The following NUMA1 variants were observed in gnomAD, a reference collection of about 807,000 sequenced individuals.
The protein encoded by NUMA1 is nuclear mitotic apparatus protein 1.
NUMA1 carries 62 observed loss-of-function variants against 237.1 expected under a neutral mutation model. The ratio of observed to expected loss-of-function variants is 0.26; its 90% CI spans 0.21 to 0.32. The LOEUF (loss-of-function observed/expected upper bound fraction) is 0.32. Ranked by LOEUF, NUMA1 falls within the 10% of genes least tolerant of loss-of-function variation. The pLI is 1.00. For missense variants in NUMA1, 2,533 were observed against 2,666.5 expected (o/e 0.95, Z 1.10); for synonymous variants, 1,028 against 1,066.1 (o/e 0.96, Z 0.70).
At chr11:72,055,867 G>A (rs1242566565) in intron 2 of NUMA1, among the ~76,000 whole-genome samples, 1 of 151,246 alleles carries the variant, frequency 6.6e-6, no homozygotes, top group Admixed American at 6.6e-5. Context: ...TGTAATCTTA[G>A]CACTTTGAGA....
chr11:72,063,239 C>T (rs3133230), intron 2 of NUMA1, among the ~76,000 whole-genome samples: 134,680 of 151,990 alleles, frequency 0.89, 59,950 homozygotes, highest in Non-Finnish European at 0.95. Flanking sequence ...AAAAATTAGC[C>T]AGGCATGGTG....
Position 72,003,547 on chromosome 11 carries a change from GAC to G in NUMA1, c.6337-11_6337-10del, listed in dbSNP as rs758011970. 4 of 1,614,028 alleles carry G rather than the reference GAC, an allele frequency of 2.5e-6. No individual in the cohort carries two copies. The highest frequency in any genetic ancestry group is 2.2e-5 in the East Asian group (1 of 44,902). On this transcript the variant is annotated splice_polypyrimidine_tract_variant and intron_variant, in intron 26 of 26. Coordinates refer to ENST00000393695, the MANE Select transcript of NUMA1 (RefSeq NM_006185.4). The stretch of plus-strand genomic sequence containing the variant: ...GCCCTTTAGTGCTTTGCCTGAAAGA[GAC>G]ACAGTCACATGGCCAGATGAGAACT...
chr11:72,067,306 C>G (rs1778318615), intron 2 of NUMA1: 1 of 152,196 alleles, frequency 6.6e-6, no homozygotes, highest in African/African-American at 2.4e-5. Context: ...AAGGCTTTTT[C>G]TCTAAATGAA....
At chr11:72,052,023 C>A (rs760058388) in intron 2 of NUMA1, among the ~76,000 whole-genome samples, 2 of 152,050 alleles carry the variant, frequency 1.3e-5, no homozygotes, top group Non-Finnish European at 2.9e-5. Context: ...AACAGTGAGG[C>A]CAGAGGCAGA....
intron 1 of NUMA1, among the ~76,000 whole-genome samples, chr11:72,074,736 C>T (rs1943629174): frequency 6.6e-6 from 1 of 152,070 alleles, no homozygotes; most frequent in Non-Finnish European, 1.5e-5. Flanking sequence ...AAGACTCTGT[C>T]TCAAAATAAC....
In NUMA1 at chr11:72,013,203, C is replaced by T; in HGVS notation, c.4300G>A (p.Ala1434Thr). Reference sequence around the variant, plus strand: ...TTCTTCAGCATGCTCAGCTGCTCTGCATAGCTGGCCTTCTCTGCCCGCAGC... The same window carrying T: ...TTCTTCAGCATGCTCAGCTGCTCTGTATAGCTGGCCTTCTCTGCCCGCAGC... ...QQLRAEKASY[A>T]EQLSMLKKAH... Residue 1434 changes from alanine to threonine, a missense_variant, in exon 15 of 27, where the codon GCA (alanine) becomes ACA (threonine). Ala to Thr is a moderately conservative substitution (Grantham distance 58). This residue lies in a region of NUMA1 where 324 missense variants were observed against 407.6 expected (regional missense o/e 0.79). Coordinates refer to ENST00000393695, the MANE Select transcript of NUMA1 (RefSeq NM_006185.4). The surrounding 1 kb of genome is among the most constrained non-coding windows in gnomAD (Gnocchi z 6.8). 1.9e-6 allele frequency: 3 copies of T among 1,611,356 alleles called. No homozygotes were observed. The highest frequency in any genetic ancestry group is 2.5e-6 in the Non-Finnish European group (3 of 1,180,016).
chr11:72,078,261 A>C (rs1194413662), intron 1 of NUMA1, among the ~76,000 whole-genome samples: 1 of 152,260 alleles, frequency 6.6e-6, no homozygotes, highest in African/African-American at 2.4e-5. Flanking sequence ...ACTCATTTTG[A>C]GTCTGGACAA....
chr11:72,057,807 C>T (rs1270071508), intron 2 of NUMA1, among the ~76,000 whole-genome samples: 3 of 147,234 alleles, frequency 2.0e-5, no homozygotes, highest in Admixed American at 6.8e-5. Flanking sequence ...CGGTGGCTCA[C>T]GCCTGTAATC....
intron 2 of NUMA1, among the ~76,000 whole-genome samples, chr11:72,052,856 G>A (rs1183797624): frequency 6.6e-6 from 1 of 152,142 alleles, no homozygotes; most frequent in East Asian, 1.9e-4. Flanking sequence ...AGACAATCAA[G>A]GTTTCTAAAG....
At chr11:72,035,354 G>C (rs1031994048) in intron 3 of NUMA1, among the ~76,000 whole-genome samples, 1 of 151,788 alleles carries the variant, frequency 6.6e-6, no homozygotes, top group African/African-American at 2.4e-5. Context: ...GGCCTTTGAA[G>C]ACCAAAGTCC....
chr11:72,016,567 G>C (rs756119445), intron 13 of NUMA1, 37 bp from the exon 14 acceptor site: 27 of 1,604,252 alleles, frequency 1.7e-5, no homozygotes, highest in African/African-American at 2.7e-5. Context: ...CAGAGAGGGG[G>C]AACAGGCACC....
At chr11:72,024,209 T>C (rs1022823133) in intron 5 of NUMA1, 65 bp downstream of exon 5, 11 of 1,457,568 alleles carry the variant, frequency 7.5e-6, no homozygotes, top group African/African-American at 1.4e-5. Context: ...CTAGTTCCTC[T>C]GGACTCTCCA....
At chr11:72,033,194 G>A (rs1940552117) in intron 3 of NUMA1, among the ~76,000 whole-genome samples, 1 of 151,820 alleles carries the variant, frequency 6.6e-6, no homozygotes, top group African/African-American at 2.4e-5. Context: ...CTATGTTATA[G>A]GTTGGAGTGC....
chr11:72,042,761 A>T (rs1941761233), intron 2 of NUMA1, among the ~76,000 whole-genome samples: 1 of 152,180 alleles, frequency 6.6e-6, no homozygotes, highest in African/African-American at 2.4e-5. Flanking sequence ...GACTAGCAGC[A>T]ATGAGGTGAG....
chr11:72,029,141 A>G, intron 4 of NUMA1, 64 bp downstream of exon 4: 2 of 1,201,572 alleles, frequency 1.7e-6, no homozygotes, highest in South Asian at 1.3e-5. Context: ...GAGAACAAGT[A>G]CAGCCCCCAC....
In NUMA1 at chr11:72,022,395, A is replaced by C; in HGVS notation, c.316T>G (p.Ser106Ala). The C allele has an allele frequency of 6.2e-7, 1 of 1,613,666 alleles. No individual in the cohort carries two copies. Among genetic ancestry groups the C allele is most frequent in the Non-Finnish European group, 8.5e-7 (1 of 1,179,760 alleles). Residue 106 changes from serine (S) to alanine (A), a missense_variant, in exon 7 of 27, where the codon TCT (serine) becomes GCT (alanine). Physicochemically the swap from Ser to Ala is moderately conservative, Grantham distance 99 (BLOSUM62 1). Around this residue, in one of 3 missense-constraint regions of NUMA1, gnomAD observed 1,414 missense variants for 1,508.1 expected, o/e 0.94. Coordinates refer to ENST00000393695, the MANE Select transcript of NUMA1 (RefSeq NM_006185.4). ...CTGGGACTTTTGGAGCTCATGGTAGAGTGGTATAAGAGCAGCATGGTCATC... is the reference window on the plus strand; with the variant it reads ...CTGGGACTTTTGGAGCTCATGGTAGCGTGGTATAAGAGCAGCATGGTCATC... Reference protein sequence around the residue: ...AKMTMLLLYHSTMSSKSPRDW... With the variant: ...AKMTMLLLYHATMSSKSPRDW...
rs1036759991 is a variant in NUMA1, at chr11:72,012,405, T to G, written c.4646A>C (p.Lys1549Thr). Reference protein sequence around the residue: ...QLEVFQREQTKQVEELSKKLA... With the variant: ...QLEVFQREQTTQVEELSKKLA... ...AGCGAGGACCTCAGGCATTACCTGCTTAGTTTGCTCTCTCTGAAATACCTC... is the reference window on the plus strand; with the variant it reads ...AGCGAGGACCTCAGGCATTACCTGCGTAGTTTGCTCTCTCTGAAATACCTC... The change falls in exon 16 of 27, where the codon AAG becomes ACG. Residue 1549 changes from lysine (K) to threonine (T), a missense_variant. Coordinates refer to ENST00000393695, the MANE Select transcript of NUMA1 (RefSeq NM_006185.4). The G allele has an allele frequency of 5.0e-6, 8 of 1,613,038 alleles. No individual in the cohort carries two copies. The highest frequency in any genetic ancestry group is 5.9e-6 in the Non-Finnish European group (7 of 1,179,526).
At chr11:72,004,852 C>A (rs1161483309) in intron 23 of NUMA1, 36 bp from the exon 24 acceptor site, 2 of 1,524,840 alleles carry the variant, frequency 1.3e-6, no homozygotes, top group South Asian at 2.6e-5. Context: ...TGGACCATAG[C>A]TGTATGGAGA....
chr11:72,003,570 G>C, intron 26 of NUMA1, 32 bp from the exon 27 acceptor site: 2 of 1,614,022 alleles, frequency 1.2e-6, no homozygotes, highest in Non-Finnish European at 1.7e-6. Context: ...GGCCAGATGA[G>C]AACTTGCGAT....
Sources: allele counts gnomAD v4.1 joint callset (sites outside exome capture counted in the v4.1 genomes callset), GRCh38; gene constraint gnomAD v4.1.1; regional missense constraint gnomAD v4.1.1; non-coding constraint Gnocchi (gnomAD v3.1); transcripts MANE v1.5; gene names NCBI Gene and HGNC (gene_info 2026-07-23, HGNC 2026-07-21).